The following TMEM132B variants were observed in gnomAD, a reference collection of about 807,000 sequenced individuals.
TMEM132B encodes transmembrane protein 132B.
TMEM132B carries 18 observed loss-of-function variants against 90.8 expected under a neutral mutation model. The ratio of observed to expected loss-of-function variants is 0.20; its 90% CI spans 0.14 to 0.29. TMEM132B has a LOEUF of 0.29. Among genes scored for constraint, TMEM132B ranks in the 10% least tolerant of loss-of-function variants. TMEM132B has a pLI of 1.00. For missense variants in TMEM132B, 1,096 were observed against 1,326.8 expected (o/e 0.83, Z 2.70); for synonymous variants, 504 against 523.3 (o/e 0.96, Z 0.50).
chr12:125,583,734 A>G lies in TMEM132B; in HGVS notation c.1294-117A>G, dbSNP rs556820999. ...CTTTGTGGCTTTGTCCCTTCAGACAACTGTCTAAATCGCAGAACGAGAATG... is the reference window on the plus strand; with the variant it reads ...CTTTGTGGCTTTGTCCCTTCAGACAGCTGTCTAAATCGCAGAACGAGAATG... On this transcript the variant is annotated intron_variant, in intron 4 of 8. Transcript: ENST00000682704. The G allele has an allele frequency of 8.8e-6, 11 of 1,245,594 alleles. No homozygotes were observed. The South Asian group carries it at 1.6e-4, about 18-fold the overall frequency. The allele number at this position is 1,245,594 out of a possible 1,614,324, so 77.2% of individuals were successfully genotyped here.
intron 5 of TMEM132B, among the ~76,000 whole-genome samples, chr12:125,619,515 C>G (rs1886070893): frequency 1.3e-5 from 2 of 152,050 alleles, no homozygotes; most frequent in Admixed American, 1.3e-4. Flanking sequence ...CAGGTGTGTG[C>G]CACCACACCC....
At chr12:125,619,208 C>T (rs1886060201) in intron 5 of TMEM132B, among the ~76,000 whole-genome samples, 1 of 152,150 alleles carries the variant, frequency 6.6e-6, no homozygotes, top group South Asian at 2.1e-4. Context: ...AATCTCTGTA[C>T]ACAAAAATCC....
chr12:125,644,794 G>A (rs897466518), intron 6 of TMEM132B, among the ~76,000 whole-genome samples: 2 of 152,056 alleles, frequency 1.3e-5, no homozygotes, highest in African/African-American at 4.8e-5. Flanking sequence ...TTTAACCCCA[G>A]CTTTACAACT....
rs961581681 is a variant in TMEM132B at position 125,655,754 on chromosome 12, A to G, written c.*1044A>G. Reference sequence around the variant, plus strand: ...ACAGAAAGGAAATTGCCTAGGCAATAGATGCAGATTACACTTTCCATTTTA... The same window carrying G: ...ACAGAAAGGAAATTGCCTAGGCAATGGATGCAGATTACACTTTCCATTTTA... On this transcript the variant is annotated 3_prime_UTR_variant, in exon 9 of 9. Coordinates refer to ENST00000682704, the MANE Select transcript of TMEM132B (RefSeq NM_001366854.1). 1.2e-4 allele frequency: 18 copies of G among 152,322 alleles called. No homozygotes were observed. The highest frequency in any genetic ancestry group is 3.6e-4 in the African/African-American group (15 of 41,582). 9.4% of individuals were successfully genotyped at this position (152,322 alleles called of 1,614,324 possible). A position where few individuals can be genotyped will look rare whatever the true frequency, so the allele number is the denominator to read the frequency against.
chr12:125,318,669 C>A (rs1876347945), intron 1 of TMEM132B, among the ~76,000 whole-genome samples: 2 of 152,200 alleles, frequency 1.3e-5, no homozygotes, highest in African/African-American at 4.8e-5. Flanking sequence ...CTTCCAGCTC[C>A]ATCCATATCC....
At chr12:125,525,797 G>C (rs1166312341) in intron 4 of TMEM132B, among the ~76,000 whole-genome samples, 2 of 152,114 alleles carry the variant, frequency 1.3e-5, no homozygotes, top group Non-Finnish European at 2.9e-5. Flanking sequence ...TGCCCACTGA[G>C]TGGCCACATC....
intron 1 of TMEM132B, among the ~76,000 whole-genome samples, chr12:125,332,924 C>T (rs746003098): frequency 2.6e-5 from 4 of 152,086 alleles, no homozygotes; most frequent in Non-Finnish European, 5.9e-5. Flanking sequence ...CCCAGACTAG[C>T]CAGGATGAAT....
Position 125,243,152 on chromosome 12 carries a change from A to T in TMEM132B, c.67+56286A>T, listed in dbSNP as rs1274899442. Among the ~76,000 whole-genome samples, 10 of 141,056 alleles carry T rather than the reference A, an allele frequency of 7.1e-5. No individual in the cohort carries two copies. In the South Asian group the frequency reaches 2.0e-3, roughly 28 times the overall value. The allele number at this position is 141,056 out of a possible 152,430, so 92.5% of individuals were successfully genotyped here. A position where few individuals can be genotyped will look rare whatever the true frequency, so the allele number is the denominator to read the frequency against. On this transcript the variant is annotated intron_variant, in intron 1 of 8. Coordinates refer to ENST00000682704, the MANE Select transcript of TMEM132B (RefSeq NM_001366854.1). ...ACACACACACATATATATATATATAATTTTTTTTTTTATTGGAATCTCACT... is the reference window on the plus strand; with the variant it reads ...ACACACACACATATATATATATATATTTTTTTTTTTTATTGGAATCTCACT...
intron 1 of TMEM132B, among the ~76,000 whole-genome samples, chr12:125,239,763 G>A (rs1874023954): frequency 6.6e-6 from 1 of 152,236 alleles, no homozygotes; most frequent in Non-Finnish European, 1.5e-5. Flanking sequence ...GAGGTGCCCG[G>A]CTTTCGCGAG....
chr12:125,320,713 C>G (rs1413585766), intron 1 of TMEM132B, among the ~76,000 whole-genome samples: 2 of 152,194 alleles, frequency 1.3e-5, no homozygotes, highest in Admixed American at 6.5e-5. Context: ...AATCATGAGT[C>G]TGCTCCTGAA....
chr12:125,232,424 T>A (rs1028459942), intron 1 of TMEM132B, among the ~76,000 whole-genome samples: 1 of 152,148 alleles, frequency 6.6e-6, no homozygotes, highest in South Asian at 2.1e-4. Flanking sequence ...TGAAAAAAAA[T>A]AATTTTTTGC....
At chr12:125,610,238 C>T (rs1047185780) in intron 5 of TMEM132B, among the ~76,000 whole-genome samples, 1 of 151,720 alleles carries the variant, frequency 6.6e-6, no homozygotes, top group Non-Finnish European at 1.5e-5. Context: ...CATTTTCTTC[C>T]CTAATTTTCT....
In TMEM132B at chr12:125,270,112, T is replaced by TTGTGTGTGTGTGTGTGTGTG. The variant is rs59168219; in HGVS notation, c.68-79322_68-79303dup. Among the ~76,000 whole-genome samples the TTGTGTGTGTGTGTGTGTGTG allele has an allele frequency of 1.2e-3, 165 of 143,240 alleles. 2 individuals are homozygous for TTGTGTGTGTGTGTGTGTGTG. The highest frequency in any genetic ancestry group is 3.1e-3 in the African/African-American group (118 of 38,080). 94.0% of individuals were successfully genotyped at this position (143,240 alleles called of 152,430 possible). ...GCTAATGCCACATCTCACATCTTTG[T>TTGTGTGTGTGTGTGTGTGTG]TGTGTGTGTGTGTGTGTGTGTGTGT... On this transcript the variant is annotated intron_variant, in intron 1 of 8. Transcript: ENST00000682704.
intron 2 of TMEM132B, among the ~76,000 whole-genome samples, chr12:125,405,318 G>A (rs1263517901): frequency 2.0e-5 from 3 of 152,030 alleles, no homozygotes; most frequent in Non-Finnish European, 4.4e-5. Context: ...CAGGTTCCCT[G>A]TCTGTCTCTT....
intron 1 of TMEM132B, among the ~76,000 whole-genome samples, chr12:125,219,573 G>A (rs1352729947): frequency 6.6e-6 from 1 of 152,158 alleles, no homozygotes; most frequent in Non-Finnish European, 1.5e-5. Context: ...TGTGTGGGAA[G>A]GACCTGGTCT....
At chr12:125,255,498 G>A (rs1483547938) in intron 1 of TMEM132B, among the ~76,000 whole-genome samples, 2 of 152,160 alleles carry the variant, frequency 1.3e-5, no homozygotes, top group Non-Finnish European at 2.9e-5. Context: ...GTGTGCAAAT[G>A]TATCCTGCTG....
Position 125,463,551 on chromosome 12 carries a change from C to T in TMEM132B, c.1106+47874C>T, listed in dbSNP as rs151295171. 1.4e-3 allele frequency among the ~76,000 whole-genome samples: 216 copies of T among 152,224 alleles called. 1 individual carries two copies. Among genetic ancestry groups the T allele is most frequent in the African/African-American group, 4.9e-3 (203 of 41,536 alleles). Reference sequence around the variant, plus strand: ...CTGATTGTCTTTGGGACTCCATGACCGTGCACTTGGAGAGAGATTAACAGA... The same window carrying T: ...CTGATTGTCTTTGGGACTCCATGACTGTGCACTTGGAGAGAGATTAACAGA... On this transcript the variant is annotated intron_variant, in intron 3 of 8. Coordinates refer to ENST00000682704, the MANE Select transcript of TMEM132B (RefSeq NM_001366854.1).
chr12:125,204,284 A>G (rs1188267579), intron 1 of TMEM132B, among the ~76,000 whole-genome samples: 1 of 134,454 alleles, frequency 7.4e-6, no homozygotes, highest in African/African-American at 2.7e-5. Context: ...GGAGTATCTC[A>G]TGAATCCTTT....
At chr12:125,578,495 A>G (rs771983496) in intron 4 of TMEM132B, among the ~76,000 whole-genome samples, 5 of 152,180 alleles carry the variant, frequency 3.3e-5, no homozygotes, top group African/African-American at 4.8e-5. Context: ...ATATGTTTGT[A>G]CTGTCTTTTG....
Sources: gnomAD v4.1 joint callset for allele counts (sites outside exome capture counted in the v4.1 genomes callset) on GRCh38, gnomAD v4.1.1 for gene constraint, MANE v1.5 for transcripts, NCBI Gene and HGNC (gene_info 2026-07-23, HGNC 2026-07-21) for gene names.